DGKB: variants seen among roughly 807,000 people sequenced by gnomAD.
DGKB encodes the protein diacylglycerol kinase beta.
DGKB carries 67 observed loss-of-function variants against 114.3 expected under a neutral mutation model. The ratio of observed to expected loss-of-function variants is 0.59; its 90% confidence interval spans 0.48 to 0.72. The LOEUF (loss-of-function observed/expected upper bound fraction) is 0.72, where lower values mean the gene tolerates loss of function less well. Among genes scored for constraint, DGKB ranks in the 30% least tolerant of loss-of-function variants. The pLI is 0.00. For missense variants in DGKB, 907 were observed against 975.2 expected (o/e 0.93, Z 0.93); for synonymous variants, 398 against 323.1 (o/e 1.23, Z -2.49).
At chr7:14,946,673 T>A (rs541649821) in intron 1 of DGKB, among the ~76,000 whole-genome samples, 1 of 151,640 alleles carries the variant, frequency 6.6e-6, no homozygotes, top group African/African-American at 2.4e-5. Context: ...AACAAGGAAG[T>A]TTTCAAACGG....
At chr7:14,578,007 A>G (rs559472168) in intron 19 of DGKB, among the ~76,000 whole-genome samples, 3 of 152,140 alleles carry the variant, frequency 2.0e-5, no homozygotes, top group Non-Finnish European at 4.4e-5. Flanking sequence ...TGTAATCCCC[A>G]TAATCCCCAC....
intron 25 of DGKB, among the ~76,000 whole-genome samples, chr7:14,169,488 A>C (rs555988913): frequency 6.6e-6 from 1 of 152,264 alleles, no homozygotes; most frequent in African/African-American, 2.4e-5. Context: ...AGCACAAAAT[A>C]GAGGGTAAGG....
intron 13 of DGKB, among the ~76,000 whole-genome samples, chr7:14,635,747 C>G (rs1366389683): frequency 6.6e-6 from 1 of 151,400 alleles, no homozygotes; most frequent in Non-Finnish European, 1.5e-5. Context: ...AAGTTGGTAA[C>G]TTGAAAAAAT....
intron 1 of DGKB, among the ~76,000 whole-genome samples, chr7:14,858,559 G>A (rs755394872): frequency 2.0e-5 from 3 of 152,168 alleles, no homozygotes; most frequent in Non-Finnish European, 4.4e-5. Context: ...TTTGTTAAGT[G>A]GGATGGCAGC....
At chr7:14,182,870 G>C (rs1384267951) in intron 23 of DGKB, among the ~76,000 whole-genome samples, 1 of 152,162 alleles carries the variant, frequency 6.6e-6, no homozygotes, top group African/African-American at 2.4e-5. Flanking sequence ...AATGAATGTG[G>C]GTTGTAGCAT....
chr7:14,746,045 T>C (rs963590593), intron 4 of DGKB, among the ~76,000 whole-genome samples: 1 of 152,174 alleles, frequency 6.6e-6, no homozygotes, highest in African/African-American at 2.4e-5. Flanking sequence ...TATAAAGTGG[T>C]ATATGAAATC....
chr7:14,819,810 CA>C (rs200509515), intron 2 of DGKB, among the ~76,000 whole-genome samples: 6 of 150,594 alleles, frequency 4.0e-5, no homozygotes, highest in South Asian at 2.1e-4. Context: ...CTTTAAGAGT[CA>C]AAAAAAAGTA....
At chr7:14,173,640 G>A (rs1390704910) in intron 25 of DGKB, among the ~76,000 whole-genome samples, 2 of 152,052 alleles carry the variant, frequency 1.3e-5, no homozygotes, top group African/African-American at 4.8e-5. Flanking sequence ...TTTTCTGTAA[G>A]AAAAATATTG....
At chr7:14,559,747 A>G (rs1563510362) in intron 20 of DGKB, among the ~76,000 whole-genome samples, 1 of 152,220 alleles carries the variant, frequency 6.6e-6, no homozygotes, top group African/African-American at 2.4e-5. Flanking sequence ...TTGGATCTCA[A>G]ACATTTGTGA....
At position 14,145,274 on chromosome 7, in the gene DGKB, T is replaced by TTTTA. The variant is rs1250057145; in HGVS notation, c.*3853_*3856dup. On this transcript the variant is annotated 3_prime_UTR_variant, in exon 26 of 26. Transcript: ENST00000402815. ...ACAAAATAAAAGCTCTTTTACAGGG[T>TTTTA]TTTATTTATTTATTTTCTTAAAGTT... The TTTTA allele has an allele frequency of 6.6e-6, 1 of 151,918 alleles. No individual in the cohort carries two copies. The highest frequency in any genetic ancestry group is 3.2e-3 in the Middle Eastern group (1 of 316). 9.4% of individuals were successfully genotyped at this position (151,918 alleles called of 1,614,324 possible). A position where few individuals can be genotyped will look rare whatever the true frequency, so the allele number is the denominator to read the frequency against.
chr7:14,197,177 C>A (rs1218115727), intron 23 of DGKB, among the ~76,000 whole-genome samples: 1 of 152,024 alleles, frequency 6.6e-6, no homozygotes, highest in South Asian at 2.1e-4. Flanking sequence ...ATATCTGATT[C>A]TTTTTCTACC....
At chr7:14,344,281 TA>T (rs1812115537) in intron 22 of DGKB, among the ~76,000 whole-genome samples, 1 of 151,438 alleles carries the variant, frequency 6.6e-6, no homozygotes, top group East Asian at 1.9e-4. Context: ...AATACTTAAT[TA>T]TATTTACCAA....
chr7:14,879,870 CTCA>C (rs1403906211), intron 1 of DGKB, among the ~76,000 whole-genome samples: 1 of 152,128 alleles, frequency 6.6e-6, no homozygotes, highest in Non-Finnish European at 1.5e-5. Flanking sequence ...CTTGTTTTCT[CTCA>C]TAATAGGAAT....
In DGKB at chr7:14,147,279, AATC is replaced by A. The variant is rs1554262803; in HGVS notation, c.*1849_*1851del. On this transcript the variant is annotated 3_prime_UTR_variant, in exon 26 of 26. Transcript: ENST00000402815. Reference sequence around the variant, plus strand: ...ATTGCTGTACTAAATTTGCAATTGTAATCATAATTTTCCTGGGAATGCTAAATT... The same window carrying A: ...ATTGCTGTACTAAATTTGCAATTGTAATAATTTTCCTGGGAATGCTAAATT... The A allele has an allele frequency of 1.3e-5, 2 of 152,172 alleles. No homozygotes were observed. The highest frequency in any genetic ancestry group is 2.9e-5 in the Non-Finnish European group (2 of 68,002). The allele number at this position is 152,172 out of a possible 1,614,324, so 9.4% of individuals were successfully genotyped here.
chr7:14,329,946 C>G (rs1246915681), intron 23 of DGKB, among the ~76,000 whole-genome samples: 1 of 151,900 alleles, frequency 6.6e-6, no homozygotes, highest in African/African-American at 2.4e-5. Context: ...AGGTGATCTG[C>G]CACTATTTTC....
At chr7:14,716,495 C>A (rs1304530276) in intron 6 of DGKB, among the ~76,000 whole-genome samples, 2 of 152,126 alleles carry the variant, frequency 1.3e-5, no homozygotes, top group African/African-American at 4.8e-5. Context: ...TTCTTATTTT[C>A]ATTCTTCTGG....
chr7:14,169,108 C>G, intron 25 of DGKB, among the ~76,000 whole-genome samples: 1 of 151,662 alleles, frequency 6.6e-6, no homozygotes, highest in East Asian at 1.9e-4. Flanking sequence ...GCCTGTAATC[C>G]CAGCACTTTG....
intron 1 of DGKB, among the ~76,000 whole-genome samples, chr7:14,952,098 C>T (rs1786232458): frequency 6.6e-6 from 1 of 151,652 alleles, no homozygotes; most frequent in East Asian, 1.9e-4. Flanking sequence ...TTTATCCTTA[C>T]AAAAAAGGAA....
chr7:14,425,043 G>A (rs1384373015), intron 21 of DGKB, among the ~76,000 whole-genome samples: 6 of 151,952 alleles, frequency 3.9e-5, no homozygotes, highest in African/African-American at 1.4e-4. Flanking sequence ...TAAGAAAAGT[G>A]CACATATGAT....
Sources: allele counts gnomAD v4.1 joint callset (sites outside exome capture counted in the v4.1 genomes callset), GRCh38; gene constraint gnomAD v4.1.1; transcripts MANE v1.5; gene names NCBI Gene and HGNC (gene_info 2026-07-23, HGNC 2026-07-21).